The following DHCR24 variants were observed in gnomAD, a reference collection of about 807,000 sequenced individuals.
DHCR24 encodes delta(24)-sterol reductase.
DHCR24 carries 28 observed loss-of-function variants against 61.2 expected under a neutral mutation model. The ratio of observed to expected loss-of-function variants is 0.46; its 90% CI spans 0.34 to 0.63. The LOEUF (loss-of-function observed/expected upper bound fraction) is 0.63. DHCR24 is among the 20% of genes least tolerant of loss of function. DHCR24 has a pLI of 0.01. For synonymous variants in DHCR24, 261 were observed against 275.9 expected (o/e 0.95, Z 0.54); for missense variants, 538 against 679.1 (o/e 0.79, Z 2.31).
At chr1:54,853,394 T>C in intron 8 of DHCR24, 40 bp downstream of exon 8, 3 of 1,613,316 alleles carry the variant, frequency 1.9e-6, no homozygotes, top group Non-Finnish European at 2.5e-6. Context: ...ACCCTGGGGC[T>C]GTCAGCTAGA....
In DHCR24 at chr1:54,852,121, G is replaced by T; in HGVS notation, c.*112C>A. ...GTGGTGTTGGGCTGTCAGGGTGGGA[G>T]TTCTGGAGGGGTTTCTCTTTGAAAG... On this transcript the variant is annotated 3_prime_UTR_variant, in exon 9 of 9. Transcript: ENST00000371269. The T allele has an allele frequency of 5.2e-6, 7 of 1,348,186 alleles. No homozygotes were observed. The Admixed American group carries it at 7.7e-5, about 15-fold the overall frequency. 83.5% of individuals were successfully genotyped at this position (1,348,186 alleles called of 1,614,324 possible). A position where few individuals can be genotyped will look rare whatever the true frequency, so the allele number is the denominator to read the frequency against.
intron 6 of DHCR24, among the ~76,000 whole-genome samples, chr1:54,859,550 T>C (rs949886497): frequency 6.6e-6 from 1 of 152,080 alleles, no homozygotes; most frequent in Non-Finnish European, 1.5e-5. Context: ...CTTGGCTCAC[T>C]GCAACCTCCA....
chr1:54,872,298 T>C (rs1340097522), intron 4 of DHCR24, among the ~76,000 whole-genome samples: 2 of 152,332 alleles, frequency 1.3e-5, no homozygotes, highest in Middle Eastern at 3.4e-3. Context: ...TCCAACCTCA[T>C]CATTTTATTG....
At chr1:54,858,167 T>TC (rs1646918124) in intron 6 of DHCR24, among the ~76,000 whole-genome samples, 1 of 152,226 alleles carries the variant, frequency 6.6e-6, no homozygotes, top group Non-Finnish European at 1.5e-5. Context: ...AGGCACCCGT[T>TC]CCCCCAGCTG....
At position 54,886,886 on chromosome 1, in the gene DHCR24, C is replaced by G. The variant is rs1283339465; in HGVS notation, c.231+3G>C. The G allele has an allele frequency of 6.2e-7, 1 of 1,612,212 alleles. No individual in the cohort carries two copies. Among genetic ancestry groups the G allele is most frequent in the African/African-American group, 1.3e-5 (1 of 74,910 alleles). On this transcript the variant is annotated splice_donor_region_variant and intron_variant, in intron 1 of 8. Coordinates refer to ENST00000371269, the MANE Select transcript of DHCR24 (RefSeq NM_014762.4). ...AGTCCCGGCCGCACCCGGCGCCGCT[C>G]ACCTGCTTCTGGATGTCCCGCACGC... is the stretch of plus-strand genomic sequence containing the variant.
At chr1:54,864,093 T>C (rs1367865813) in intron 6 of DHCR24, among the ~76,000 whole-genome samples, 1 of 152,172 alleles carries the variant, frequency 6.6e-6, no homozygotes, top group Non-Finnish European at 1.5e-5. Context: ...CGCTCATACA[T>C]TGCTGGTGGG....
At chr1:54,853,157 A>G (rs1356791275) in intron 8 of DHCR24, among the ~76,000 whole-genome samples, 1 of 148,870 alleles carries the variant, frequency 6.7e-6, no homozygotes, top group Non-Finnish European at 1.5e-5. Context: ...GAGTGGGGTG[A>G]CTCCCAGGTT....
chr1:54,875,615 TG>T (rs1482242057), intron 3 of DHCR24, among the ~76,000 whole-genome samples: 1 of 152,024 alleles, frequency 6.6e-6, no homozygotes, highest in Non-Finnish European at 1.5e-5. Context: ...GAAGAGGCTT[TG>T]GGGGCTATGA....
Position 54,852,192 on chromosome 1 carries a change from T to C in DHCR24, c.*41A>G. ...CAAGCTTGAGTGAAGGGAAGATGCC[T>C]GACCACTCACACGTGTCTGTCTCTC... On this transcript the variant is annotated 3_prime_UTR_variant, in exon 9 of 9. Transcript: ENST00000371269. 1 of 1,613,250 alleles carries C rather than the reference T, an allele frequency of 6.2e-7. No homozygotes were observed. Among genetic ancestry groups the C allele is most frequent in the Non-Finnish European group, 8.5e-7 (1 of 1,179,608 alleles).
At chr1:54,862,460 C>T (rs1043791455) in intron 6 of DHCR24, among the ~76,000 whole-genome samples, 6 of 152,182 alleles carry the variant, frequency 3.9e-5, no homozygotes, top group African/African-American at 1.4e-4. Flanking sequence ...CCTCCTGAAA[C>T]AGTCTTCCCT....
rs537139156 is a variant in DHCR24, at chr1:54,883,854, A to G, written c.232-81T>C. ...TGCAGCCCTGCTTTCTTCAAGGGCG[A>G]GCTGGGAATGATGCCTCCATCAGGC... On this transcript the variant is annotated intron_variant, in intron 1 of 8. Transcript: ENST00000371269. The surrounding 1 kb of genome is among the most constrained non-coding windows in gnomAD (Gnocchi z 4.3). 2 of 1,585,000 alleles carry G rather than the reference A, an allele frequency of 1.3e-6. No homozygotes were observed. The highest frequency in any genetic ancestry group is 1.7e-6 in the Non-Finnish European group (2 of 1,159,792).
At chr1:54,872,325 G>A (rs1647004800) in intron 4 of DHCR24, among the ~76,000 whole-genome samples, 1 of 152,148 alleles carries the variant, frequency 6.6e-6, no homozygotes, top group South Asian at 2.1e-4. Flanking sequence ...CATTTGTCTT[G>A]GACACAGACA....
intron 1 of DHCR24, 161 bp downstream of exon 1, chr1:54,886,728 C>T: frequency 7.2e-7 from 1 of 1,385,504 alleles, no homozygotes; most frequent in Admixed American, 2.2e-5. Context: ...GCCCCCATCA[C>T]ATTTTTGTTT....
At position 54,886,880 on chromosome 1, in the gene DHCR24, G is replaced by A. The variant is rs1276506206; in HGVS notation, c.231+9C>T. ...GCCCTGAGTCCCGGCCGCACCCGGC[G>A]CCGCTCACCTGCTTCTGGATGTCCC... On this transcript the variant is annotated intron_variant, in intron 1 of 8. Coordinates refer to ENST00000371269, the MANE Select transcript of DHCR24 (RefSeq NM_014762.4). 6.2e-7 allele frequency: 1 copy of A among 1,611,426 alleles called. No homozygotes were observed. The highest frequency in any genetic ancestry group is 8.5e-7 in the Non-Finnish European group (1 of 1,179,190).
Position 54,865,356 on chromosome 1 carries a change from G to C in DHCR24, c.967C>G (p.Pro323Ala). 6.2e-7 allele frequency: 1 copy of C among 1,614,132 alleles called. No individual in the cohort carries two copies. Among genetic ancestry groups the C allele is most frequent in the Non-Finnish European group, 8.5e-7 (1 of 1,180,024 alleles). The change falls in exon 6 of 9, where the codon CCC becomes GCC. Residue 323 changes from proline (P) to alanine (A), a missense_variant. Pro to Ala is a conservative substitution (Grantham distance 27, BLOSUM62 -1). Transcript: ENST00000371269. ...TGGCGGTGGTAGTAGTGTCTCAAGG[G>C]AATGTACTCCAGGCCCTCTCGGTTT... The part of the protein sequence containing the change: ...KTNREGLEYI[P>A]LRHYYHRHTR...
intron 5 of DHCR24, among the ~76,000 whole-genome samples, chr1:54,868,653 A>G (rs901816732): frequency 2.0e-5 from 3 of 151,872 alleles, no homozygotes; most frequent in African/African-American, 7.3e-5. Flanking sequence ...TTTAATTCTA[A>G]TAAGAATGGA....
intron 8 of DHCR24, among the ~76,000 whole-genome samples, chr1:54,852,706 ATC>A (rs1646883395): frequency 6.6e-6 from 1 of 152,016 alleles, no homozygotes; most frequent in Non-Finnish European, 1.5e-5. Context: ...TTTTCCTTTA[ATC>A]TGTTATTGAC....
At position 54,876,957 on chromosome 1, in the gene DHCR24, T is replaced by C. The variant is rs78461057; in HGVS notation, c.388-910A>G. Among the ~76,000 whole-genome samples the C allele has an allele frequency of 4.6e-4, 70 of 151,870 alleles. 1 individual carries two copies. Among genetic ancestry groups the C allele is most frequent in the East Asian group, 1.6e-3 (8 of 4,972 alleles). ...TCAATATATGTAAGAAGTATAGTGG[T>C]TCTGTCCAGGAAGGCGGGGACAACT... On this transcript the variant is annotated intron_variant, in intron 2 of 8. Transcript: ENST00000371269.
intron 1 of DHCR24, among the ~76,000 whole-genome samples, chr1:54,884,117 A>G (rs1417592541): frequency 6.6e-6 from 1 of 152,260 alleles, no homozygotes; most frequent in Non-Finnish European, 1.5e-5. Flanking sequence ...GGGTATTCCC[A>G]ACACACTAGG....
Sources: allele counts gnomAD v4.1 joint callset (sites outside exome capture counted in the v4.1 genomes callset), GRCh38; gene constraint gnomAD v4.1.1; non-coding constraint Gnocchi (gnomAD v3.1); transcripts MANE v1.5; gene names NCBI Gene and HGNC (gene_info 2026-07-23, HGNC 2026-07-21).